PEX5L: variants seen among roughly 807,000 people sequenced by gnomAD.
The protein encoded by PEX5L is peroxisomal biogenesis factor 5 like.
In PEX5L, 30 loss-of-function variants were observed where a neutral mutation model predicts 84.0. The observed-to-expected ratio is 0.36, with a 90% CI of 0.27 to 0.48. The LOEUF (loss-of-function observed/expected upper bound fraction) is 0.48, where lower values mean the gene tolerates loss of function less well. Ranked by LOEUF, PEX5L falls within the 20% of genes least tolerant of loss-of-function variation. PEX5L has a pLI of 0.99. For missense variants in PEX5L, 533 were observed against 754.6 expected, an observed-to-expected ratio of 0.71 and a Z score of 3.44; for synonymous variants, 270 against 283.1, an observed-to-expected ratio of 0.95 and a Z score of 0.46.
rs2110428763 is a variant in PEX5L, at chr3:180,002,579, A to G, written c.22-30914T>C. On this transcript the variant is annotated intron_variant, in intron 1 of 14. Transcript: ENST00000467460. ...TGTGTTTTGGGTCTGTTTATGGGCA[A>G]TTTGTGAGAACTTTTTGTATAGTAT... is the stretch of plus-strand genomic sequence containing the variant. Among the ~76,000 whole-genome samples, 3 of 152,188 alleles carry G rather than the reference A, an allele frequency of 2.0e-5. 1 individual carries two copies. The South Asian group carries it at 6.2e-4, about 32-fold the overall frequency.
chr3:179,802,729 T>C (rs903981566), intron 14 of PEX5L, among the ~76,000 whole-genome samples: 1 of 152,140 alleles, frequency 6.6e-6, no homozygotes, highest in Admixed American at 6.5e-5. Context: ...AGGAAGAATA[T>C]AGCCCTACTT....
At chr3:179,996,094 G>T (rs565895716) in intron 1 of PEX5L, among the ~76,000 whole-genome samples, 1 of 152,266 alleles carries the variant, frequency 6.6e-6, no homozygotes, top group African/African-American at 2.4e-5. Flanking sequence ...CCTTGAGGTA[G>T]TTGCCAAGCA....
At chr3:179,850,057 A>G (rs889375247) in intron 8 of PEX5L, among the ~76,000 whole-genome samples, 18 of 152,194 alleles carry the variant, frequency 1.2e-4, no homozygotes, top group Non-Finnish European at 2.9e-5. Context: ...ATTTAGAGAT[A>G]GACTGTAAAT....
At chr3:179,899,737 GTTTC>G (rs1338088632) in intron 2 of PEX5L, among the ~76,000 whole-genome samples, 3 of 151,950 alleles carry the variant, frequency 2.0e-5, no homozygotes, top group Admixed American at 2.0e-4. Flanking sequence ...CTGAAAGTTT[GTTTC>G]TTTGTTTTGT....
chr3:179,884,724 C>G (rs59018122), intron 4 of PEX5L, among the ~76,000 whole-genome samples: 125 of 152,088 alleles, frequency 8.2e-4, no homozygotes, highest in African/African-American at 2.8e-3. Context: ...AGGGTGCTGA[C>G]TTTATTGATA....
chr3:179,883,031 G>C (rs1754634066), intron 4 of PEX5L, among the ~76,000 whole-genome samples: 1 of 152,146 alleles, frequency 6.6e-6, no homozygotes, highest in African/African-American at 2.4e-5. Context: ...CCAGAAGTTT[G>C]AGCCAGCCTG....
At chr3:179,999,448 T>G (rs1788190623) in intron 1 of PEX5L, among the ~76,000 whole-genome samples, 1 of 152,134 alleles carries the variant, frequency 6.6e-6, no homozygotes, top group African/African-American at 2.4e-5. Flanking sequence ...GGACTTCTAC[T>G]CACCAAGACT....
intron 1 of PEX5L, among the ~76,000 whole-genome samples, chr3:179,972,014 A>C (rs1294637051): frequency 6.6e-6 from 1 of 152,148 alleles, no homozygotes; most frequent in Non-Finnish European, 1.5e-5. Context: ...TTTTTCTTAA[A>C]GATTGAAAGT....
chr3:179,864,757 A>C (rs1195297779), intron 7 of PEX5L, among the ~76,000 whole-genome samples: 1 of 152,202 alleles, frequency 6.6e-6, no homozygotes, highest in Admixed American at 6.6e-5. Flanking sequence ...TTTACAAAGT[A>C]TATATATTTC....
intron 14 of PEX5L, among the ~76,000 whole-genome samples, chr3:179,806,162 T>C (rs949868096): frequency 6.6e-6 from 1 of 151,866 alleles, no homozygotes; most frequent in African/African-American, 2.4e-5. Flanking sequence ...ATAAAATACA[T>C]ATACACAACA....
At chr3:179,919,924 A>C (rs1049139127) in intron 2 of PEX5L, among the ~76,000 whole-genome samples, 1 of 152,262 alleles carries the variant, frequency 6.6e-6, no homozygotes, top group Non-Finnish European at 1.5e-5. Context: ...GCTGGTCTCG[A>C]ACTCCTGACC....
At chr3:179,822,386 A>C (rs1385940698) in intron 8 of PEX5L, among the ~76,000 whole-genome samples, 1 of 152,186 alleles carries the variant, frequency 6.6e-6, no homozygotes, top group African/African-American at 2.4e-5. Flanking sequence ...TGCTTTGGAA[A>C]ACTGAGAGAA....
intron 1 of PEX5L, among the ~76,000 whole-genome samples, chr3:179,976,433 C>CT (rs956342456): frequency 8.6e-5 from 13 of 150,962 alleles, no homozygotes; most frequent in African/African-American, 1.2e-4. Context: ...TCTTTCTTTT[C>CT]TTTTTTTTTG....
intron 2 of PEX5L, among the ~76,000 whole-genome samples, chr3:179,964,161 C>T (rs916990116): frequency 2.6e-5 from 4 of 152,090 alleles, no homozygotes; most frequent in Admixed American, 2.6e-4. Context: ...TCCCACCCTC[C>T]ACCTTCAAGC....
chr3:179,886,959 C>G (rs1471450686), intron 4 of PEX5L, among the ~76,000 whole-genome samples: 1 of 152,186 alleles, frequency 6.6e-6, no homozygotes, highest in Non-Finnish European at 1.5e-5. Flanking sequence ...ATTTGAATGA[C>G]ATGACTTTGA....
chr3:179,990,161 T>G (rs1037660802), intron 1 of PEX5L, among the ~76,000 whole-genome samples: 13 of 152,202 alleles, frequency 8.5e-5, no homozygotes, highest in African/African-American at 3.1e-4. Flanking sequence ...ATATGTAAGG[T>G]GAATGGATCA....
At chr3:179,879,774 C>A (rs1753610902) in intron 5 of PEX5L, among the ~76,000 whole-genome samples, 155 bp downstream of exon 5, 1 of 152,210 alleles carries the variant, frequency 6.6e-6, no homozygotes, top group African/African-American at 2.4e-5. Context: ...CTGTACAGTT[C>A]AAGCTCAAAA....
intron 1 of PEX5L, among the ~76,000 whole-genome samples, chr3:179,989,340 A>G (rs1363370637): frequency 6.6e-6 from 1 of 152,208 alleles, no homozygotes; most frequent in African/African-American, 2.4e-5. Context: ...ATATTTAGGT[A>G]TAACTTTTTC....
At chr3:179,965,825 A>AT (rs1353158375) in intron 2 of PEX5L, among the ~76,000 whole-genome samples, 2 of 152,210 alleles carry the variant, frequency 1.3e-5, no homozygotes, top group African/African-American at 4.8e-5. Flanking sequence ...GTAACTCAGA[A>AT]TTATTTTTAT....
Sources: gnomAD v4.1 joint callset for allele counts (sites outside exome capture counted in the v4.1 genomes callset) on GRCh38, gnomAD v4.1.1 for gene constraint, MANE v1.5 for transcripts, NCBI Gene and HGNC (gene_info 2026-07-23, HGNC 2026-07-21) for gene names.